ADAMTS16: variants seen among roughly 807,000 people sequenced by gnomAD.
ADAMTS16 encodes ADAM metallopeptidase with thrombospondin type 1 motif 16.
A neutral mutation model predicts 145.8 loss-of-function variants in ADAMTS16; 94 were observed. The ratio of observed to expected loss-of-function variants is 0.64; its 90% CI spans 0.55 to 0.77. ADAMTS16 has a LOEUF of 0.77. Among genes scored for constraint, ADAMTS16 ranks in the 30% least tolerant of loss-of-function variants. The probability of loss-of-function intolerance (pLI) is 0.00; values close to 1 mark genes in which losing one functional copy is unlikely to be tolerated. For synonymous variants in ADAMTS16, 659 were observed against 604.3 expected (o/e 1.09, Z -1.33); for missense variants, 1,585 against 1,591.5 (o/e 1.00, Z 0.07).
chr5:5,169,434 T>G (rs368052732), intron 3 of ADAMTS16, among the ~76,000 whole-genome samples: 1 of 152,168 alleles, frequency 6.6e-6, no homozygotes, highest in Non-Finnish European at 1.5e-5. Context: ...GGAATTTTGT[T>G]TTCCATGTTA....
At chr5:5,149,910 A>C (rs1734403368) in intron 3 of ADAMTS16, among the ~76,000 whole-genome samples, 1 of 152,198 alleles carries the variant, frequency 6.6e-6, no homozygotes, top group Non-Finnish European at 1.5e-5. Context: ...GAAGTATACC[A>C]CATATTTTAT....
chr5:5,277,533 A>G (rs1440192874), intron 18 of ADAMTS16, among the ~76,000 whole-genome samples: 1 of 152,228 alleles, frequency 6.6e-6, no homozygotes, highest in Non-Finnish European at 1.5e-5. Flanking sequence ...TCTGGATCCA[A>G]TGCAAGGCAA....
chr5:5,208,098 A>G (rs562665960), intron 9 of ADAMTS16, among the ~76,000 whole-genome samples: 95 of 152,322 alleles, frequency 6.2e-4, no homozygotes, highest in African/African-American at 2.1e-3. Context: ...GAGAATTGGT[A>G]TAAGTTCTTC....
intron 8 of ADAMTS16, among the ~76,000 whole-genome samples, chr5:5,199,779 C>T (rs900163496): frequency 4.6e-5 from 7 of 152,154 alleles, no homozygotes; most frequent in South Asian, 2.1e-4. Flanking sequence ...GAAACTCTAA[C>T]GATCCTGCTG....
At chr5:5,290,605 G>A (rs11134105) in intron 18 of ADAMTS16, among the ~76,000 whole-genome samples, 1 of 151,928 alleles carries the variant, frequency 6.6e-6, no homozygotes, top group Non-Finnish European at 1.5e-5. Context: ...AGCTGAGACC[G>A]AGCCTTTGTA....
chr5:5,227,287 C>A (rs1467312964), intron 11 of ADAMTS16, among the ~76,000 whole-genome samples: 1 of 152,210 alleles, frequency 6.6e-6, no homozygotes, highest in East Asian at 1.9e-4. Context: ...GTAATCGCCA[C>A]AGGCGTAGGG....
chr5:5,176,736 T>C (rs763072314), intron 3 of ADAMTS16, among the ~76,000 whole-genome samples: 1 of 152,216 alleles, frequency 6.6e-6, no homozygotes, highest in Non-Finnish European at 1.5e-5. Context: ...AATTATACTA[T>C]TAAATTATAC....
At chr5:5,205,821 G>A (rs1024464076) in intron 9 of ADAMTS16, among the ~76,000 whole-genome samples, 11 of 152,174 alleles carry the variant, frequency 7.2e-5, no homozygotes, top group African/African-American at 2.4e-4. Flanking sequence ...TGGATTGTAA[G>A]TGTTATTTAT....
At chr5:5,208,942 A>G (rs1736201275) in intron 9 of ADAMTS16, 151 bp from the exon 10 acceptor site, 2 of 698,422 alleles carry the variant, frequency 2.9e-6, no homozygotes, top group South Asian at 2.6e-5. Context: ...TAAGATAAGT[A>G]TTATATTGTA....
chr5:5,268,635 C>T (rs967889387), intron 18 of ADAMTS16, among the ~76,000 whole-genome samples: 7 of 152,184 alleles, frequency 4.6e-5, no homozygotes, highest in Admixed American at 3.3e-4. Flanking sequence ...TAATAGAAGC[C>T]GCTGCCCCAT....
intron 18 of ADAMTS16, among the ~76,000 whole-genome samples, chr5:5,290,368 G>T (rs1039401665): frequency 2.0e-5 from 3 of 152,162 alleles, no homozygotes; most frequent in African/African-American, 4.8e-5. Context: ...ATAAGGTGTT[G>T]CCTAGGCCGG....
At chr5:5,285,795 A>C (rs1473077852) in intron 18 of ADAMTS16, among the ~76,000 whole-genome samples, 1 of 152,220 alleles carries the variant, frequency 6.6e-6, no homozygotes, top group African/African-American at 2.4e-5. Context: ...TTTAACTCAT[A>C]ATACACAACA....
In ADAMTS16 at chr5:5,303,767, G is replaced by A. The variant is rs1163986145; in HGVS notation, c.3186+1G>A. On this transcript the variant is annotated splice_donor_variant, in intron 20 of 22. Transcript: ENST00000274181. LOFTEE classifies it high-confidence loss of function. ...GTGGCTGGTGTCCGCCTGGTCCCAG[G>A]TAGGTGCACTGGTCTCGCGGGAGCG... 1 of 1,612,584 alleles carries A rather than the reference G, an allele frequency of 6.2e-7. No individual in the cohort carries two copies. The highest frequency in any genetic ancestry group is 8.5e-7 in the Non-Finnish European group (1 of 1,179,732).
chr5:5,175,753 G>A (rs1339219614), intron 3 of ADAMTS16, among the ~76,000 whole-genome samples: 2 of 152,152 alleles, frequency 1.3e-5, no homozygotes, highest in African/African-American at 4.8e-5. Flanking sequence ...GGTGTCGGCT[G>A]AGTTCTGCCC....
At chr5:5,183,159 T>C (rs1278879012) in intron 4 of ADAMTS16, among the ~76,000 whole-genome samples, 3 of 152,234 alleles carry the variant, frequency 2.0e-5, no homozygotes, top group African/African-American at 7.2e-5. Flanking sequence ...CCTTTCGTCC[T>C]ACCCCTGAAA....
At chr5:5,173,782 C>T (rs7711261) in intron 3 of ADAMTS16, among the ~76,000 whole-genome samples, 101,716 of 152,094 alleles carry the variant, frequency 0.67, 34,330 homozygotes, top group Admixed American at 0.76. Context: ...GATGACTGCT[C>T]ATCAGGATTG....
At chr5:5,151,508 A>G (rs1399258633) in intron 3 of ADAMTS16, among the ~76,000 whole-genome samples, 1 of 152,066 alleles carries the variant, frequency 6.6e-6, no homozygotes, top group Non-Finnish European at 1.5e-5. Flanking sequence ...AAAGTGCTGG[A>G]ACCACAGGTG....
chr5:5,225,031 A>G (rs13174795), intron 11 of ADAMTS16, among the ~76,000 whole-genome samples: 468 of 152,320 alleles, frequency 3.1e-3, no homozygotes, highest in Middle Eastern at 0.027. Flanking sequence ...TACCAAAAAA[A>G]AACAAAAAGG....
intron 1 of ADAMTS16, 36 bp downstream of exon 1, chr5:5,140,575 C>G: frequency 1.3e-6 from 2 of 1,499,932 alleles, no homozygotes; most frequent in Non-Finnish European, 8.8e-7. Context: ...GCGGAAACCG[C>G]GGGTCCGGAC....
Sources: allele counts gnomAD v4.1 joint callset (sites outside exome capture counted in the v4.1 genomes callset), GRCh38; gene constraint gnomAD v4.1.1; transcripts MANE v1.5; gene names NCBI Gene and HGNC (gene_info 2026-07-23, HGNC 2026-07-21).